TMC2: variants seen among roughly 807,000 people sequenced by gnomAD.
TMC2 encodes the protein transmembrane channel-like protein 2.
Under a neutral mutation model 105.9 loss-of-function variants are expected in TMC2, and 102 were observed. The observed-to-expected ratio is 0.96, with a 90% confidence interval of 0.82 to 1.14. TMC2 has a LOEUF of 1.14. Ranked by LOEUF, TMC2 falls within the 50% of genes most tolerant of loss-of-function variation. TMC2 has a pLI of 0.00. For missense variants in TMC2, 1,093 were observed against 1,134.3 expected, an observed-to-expected ratio of 0.96 and a Z score of 0.52; for synonymous variants, 402 against 422.8, an observed-to-expected ratio of 0.95 and a Z score of 0.60.
In TMC2 at chr20:2,558,632, G is replaced by C. The variant is rs369119977; in HGVS notation, c.259G>C (p.Glu87Gln). The C allele has an allele frequency of 1.9e-5, 30 of 1,567,380 alleles. No homozygotes were observed. The highest frequency in any genetic ancestry group is 2.3e-5 in the Non-Finnish European group (27 of 1,155,882). ...ACACAGAGAAGAGCTGGGGGAGCAG[G>C]AGCGGGGCGAGGCAGAGAGGACCTG... ...RRHREELGEQ[E>Q]RGEAERTCEG... Residue 87 changes from glutamate to glutamine, a missense_variant, in exon 3 of 20, where the codon GAG (glutamate) becomes CAG (glutamine). Transcript: ENST00000358864. The surrounding 1 kb of genome is among the most constrained non-coding windows in gnomAD (Gnocchi z 4.6).
intron 2 of TMC2, among the ~76,000 whole-genome samples, chr20:2,545,920 T>TGAAAGAAA (rs755029898): frequency 2.6e-4 from 34 of 130,948 alleles, no homozygotes; most frequent in African/African-American, 8.8e-4. Context: ...AAGAAAGAAA[T>TGAAAGAAA]GAAAGAAAGA....
At chr20:2,584,966 C>G (rs2086222440) in intron 7 of TMC2, among the ~76,000 whole-genome samples, 1 of 152,174 alleles carries the variant, frequency 6.6e-6, no homozygotes, top group African/African-American at 2.4e-5. Flanking sequence ...ACATTGCAAG[C>G]AATCTCCTCT....
chr20:2,576,757 A>G (rs1470275175), intron 5 of TMC2, among the ~76,000 whole-genome samples: 1 of 152,192 alleles, frequency 6.6e-6, no homozygotes, highest in Non-Finnish European at 1.5e-5. Context: ...CTAAACCATC[A>G]TCCCAATTCC....
Position 2,610,524 on chromosome 20 carries a change from G to T in TMC2, c.1519G>T (p.Gly507Ter), listed in dbSNP as rs764062444. The T allele has an allele frequency of 1.2e-6, 2 of 1,613,602 alleles. No individual in the cohort carries two copies. Among genetic ancestry groups the T allele is most frequent in the African/African-American group, 2.7e-5 (2 of 74,830 alleles). The change falls in exon 12 of 20, where the codon GGA (glycine) becomes TGA (stop). Residue 507 changes from glycine to a stop codon, truncating the protein, a stop_gained. Transcript: ENST00000358864. LOFTEE classifies it high-confidence loss of function. Reference protein sequence around the residue: ...HPRTGLKWQLGRIFALFLGNL... With the variant: ...HPRTGLKWQL ...ACGCACTGGACTGAAGTGGCAGCTG[G>T]GACGCATCTTTGCACTCTTCCTGGG...
intron 11 of TMC2, among the ~76,000 whole-genome samples, chr20:2,603,306 G>A (rs1432326255): frequency 6.6e-6 from 1 of 150,602 alleles, no homozygotes; most frequent in Non-Finnish European, 1.5e-5. Flanking sequence ...CATTCAAACA[G>A]CAATTTAAAA....
intron 5 of TMC2, among the ~76,000 whole-genome samples, chr20:2,577,293 A>G (rs113898078): frequency 0.14 from 21,745 of 152,042 alleles, 2,121 homozygotes; most frequent in African/African-American, 0.27. Context: ...CACCCACCTC[A>G]GCCTCCCAAA....
intron 4 of TMC2, among the ~76,000 whole-genome samples, chr20:2,564,641 G>A (rs776747385): frequency 1.3e-5 from 2 of 152,192 alleles, no homozygotes; most frequent in Non-Finnish European, 2.9e-5. Context: ...ATCTCCAGCT[G>A]GCTGGAAGTC....
chr20:2,595,503 A>G (rs2086299239), intron 9 of TMC2, among the ~76,000 whole-genome samples: 1 of 152,106 alleles, frequency 6.6e-6, no homozygotes, highest in South Asian at 2.1e-4. Flanking sequence ...TGTGGCAGTG[A>G]TTAACCATGG....
At chr20:2,540,576 G>A (rs2085883051) in intron 2 of TMC2, among the ~76,000 whole-genome samples, 1 of 148,828 alleles carries the variant, frequency 6.7e-6, no homozygotes, top group Non-Finnish European at 1.5e-5. Flanking sequence ...TGAGAGAATC[G>A]CTTGAACCTG....
chr20:2,588,557 T>TA (rs770189213), intron 7 of TMC2, among the ~76,000 whole-genome samples: 3 of 152,328 alleles, frequency 2.0e-5, no homozygotes, highest in Non-Finnish European at 2.9e-5. Flanking sequence ...CTGTAGCACT[T>TA]ACTAAATCTT....
intron 7 of TMC2, among the ~76,000 whole-genome samples, chr20:2,582,611 GATT>G (rs1048996581): frequency 8.3e-4 from 127 of 152,206 alleles, no homozygotes; most frequent in African/African-American, 3.0e-3. Flanking sequence ...AAGTAGCTGG[GATT>G]ACAGGCACGC....
chr20:2,579,588 AT>A (rs1158872451), intron 6 of TMC2, among the ~76,000 whole-genome samples: 1 of 151,430 alleles, frequency 6.6e-6, no homozygotes, highest in Non-Finnish European at 1.5e-5. Context: ...CACCTGGCTA[AT>A]TTTTTTGTAT....
chr20:2,616,250 A>G lies in TMC2; in HGVS notation c.1940+46A>G. 6.5e-7 allele frequency: 1 copy of G among 1,529,014 alleles called. No individual in the cohort carries two copies. Among genetic ancestry groups the G allele is most frequent in the Non-Finnish European group, 9.1e-7 (1 of 1,102,756 alleles). The allele number at this position is 1,529,014 out of a possible 1,614,324, so 94.7% of individuals were successfully genotyped here. A position where few individuals can be genotyped will look rare whatever the true frequency, so the allele number is the denominator to read the frequency against. ...GGTGATCGCCTCATCCAAGGAGTCA[A>G]AAAACTGGAATCCCAGACTTTGCAA... On this transcript the variant is annotated intron_variant, in intron 15 of 19. Transcript: ENST00000358864. The surrounding 1 kb of genome is among the most constrained non-coding windows in gnomAD (Gnocchi z 4.8).
At chr20:2,633,745 A>AC (rs1225819513) in intron 17 of TMC2, among the ~76,000 whole-genome samples, 1 of 115,324 alleles carries the variant, frequency 8.7e-6, no homozygotes, top group Non-Finnish European at 1.8e-5. Flanking sequence ...TGGTTTCCAA[A>AC]CCTACTACAG....
intron 14 of TMC2, 162 bp downstream of exon 14, chr20:2,613,484 G>T (rs1425985310): frequency 1.9e-6 from 2 of 1,037,292 alleles, no homozygotes; most frequent in Non-Finnish European, 1.4e-6. Context: ...TCCTTTAAGG[G>T]TCCTATTTGC....
intron 12 of TMC2, among the ~76,000 whole-genome samples, chr20:2,611,886 G>GGATGGATGGA (rs746229522): frequency 1.1e-5 from 1 of 87,442 alleles, no homozygotes; most frequent in Non-Finnish European, 2.3e-5. Flanking sequence ...GGGTGGGTGG[G>GGATGGATGGA]TGGATGGATG....
At chr20:2,562,417 AC>A (rs1236461350) in intron 4 of TMC2, among the ~76,000 whole-genome samples, 1 of 152,188 alleles carries the variant, frequency 6.6e-6, no homozygotes, top group African/African-American at 2.4e-5. Context: ...CTCCATGTGT[AC>A]ACACTCTCGC....
rs2086695109 is a variant in TMC2, at chr20:2,642,333, A to T, written c.*982A>T. 1.3e-5 allele frequency among the ~76,000 whole-genome samples: 2 copies of T among 152,190 alleles called. No homozygotes were observed. The highest frequency in any genetic ancestry group is 1.3e-4 in the Admixed American group (2 of 15,278). ...GATACCCCAGTACCCAGCCCAAGGG[A>T]AGCTTACACCATGGAGCACAAAACA... On this transcript the variant is annotated 3_prime_UTR_variant, in exon 20 of 20. Coordinates refer to ENST00000358864, the MANE Select transcript of TMC2 (RefSeq NM_080751.3).
rs56859666 is a variant in TMC2 at position 2,545,822 on chromosome 20, GAAGAAAGAAAGA to G, written c.82+8527_82+8538del. Among the ~76,000 whole-genome samples, 853 of 117,948 alleles carry G rather than the reference GAAGAAAGAAAGA, an allele frequency of 7.2e-3. 15 individuals carry two copies. Among genetic ancestry groups the G allele is most frequent in the African/African-American group, 0.026 (732 of 28,560 alleles). 77.4% of individuals were successfully genotyped at this position (117,948 alleles called of 152,430 possible). The stretch of plus-strand genomic sequence containing the variant: ...GAAGGAAGAAGAAGAAGAGGAAGAG[GAAGAAAGAAAGA>G]AAGAAAGAAAGAAAGAAAGAGAAAG... On this transcript the variant is annotated intron_variant, in intron 2 of 19. Coordinates refer to ENST00000358864, the MANE Select transcript of TMC2 (RefSeq NM_080751.3).
Sources: gnomAD v4.1 joint callset for allele counts (sites outside exome capture counted in the v4.1 genomes callset) on GRCh38, gnomAD v4.1.1 for gene constraint, Gnocchi (gnomAD v3.1) non-coding constraint, MANE v1.5 for transcripts, NCBI Gene and HGNC (gene_info 2026-07-23, HGNC 2026-07-21) for gene names.